Variants in SCOC observed in about 807,000 individuals in gnomAD.
SCOC encodes short coiled coil protein.
In SCOC, 7 loss-of-function variants were observed where a neutral mutation model predicts 9.9. The observed-to-expected ratio is 0.71, with a 90% CI of 0.40 to 1.33. The LOEUF is 1.33. Ranked by LOEUF, SCOC falls within the 40% of genes most tolerant of loss-of-function variation. The pLI, the probability that SCOC is intolerant of heterozygous loss-of-function variation, is 0.01. For synonymous variants in SCOC, 19 were observed against 28.2 expected (o/e 0.67, Z 1.03); for missense variants, 66 against 89.7 (o/e 0.74, Z 1.07).
chr4:140,257,637 CCTGTCT>C (rs2126380967), intron 1 of SCOC, among the ~76,000 whole-genome samples: 1 of 152,278 alleles, frequency 6.6e-6, no homozygotes, highest in East Asian at 1.9e-4. Flanking sequence ...AGTTATTTAA[CCTGTCT>C]CTGCCTCAGT....
At chr4:140,291,017 G>A (rs1447792253) in intron 1 of SCOC, among the ~76,000 whole-genome samples, 1 of 152,162 alleles carries the variant, frequency 6.6e-6, no homozygotes, top group Non-Finnish European at 1.5e-5. Flanking sequence ...CTGCATTATT[G>A]TTTTCTCACT....
At chr4:140,276,140 C>T (rs569357507) in intron 1 of SCOC, among the ~76,000 whole-genome samples, 3 of 152,006 alleles carry the variant, frequency 2.0e-5, no homozygotes, top group Admixed American at 6.6e-5. Context: ...GTAGCTGGGA[C>T]TACAGGTGCC....
rs142535505 is a variant in SCOC, at chr4:140,353,143, G to C, written c.70+9435G>C. On this transcript the variant is annotated intron_variant, in intron 2 of 4. Transcript: ENST00000338517. ...AGCCTGGTTTCCTTAGAGAACTTAAGGGTTCCTTTGGCCTTCAAAGATAGT... is the reference window on the plus strand; with the variant it reads ...AGCCTGGTTTCCTTAGAGAACTTAACGGTTCCTTTGGCCTTCAAAGATAGT... 2.3e-3 allele frequency among the ~76,000 whole-genome samples: 348 copies of C among 152,242 alleles called. 1 individual carries two copies. The highest frequency in any genetic ancestry group is 4.2e-3 in the Non-Finnish European group (286 of 68,022).
chr4:140,273,595 A>T lies in SCOC; in HGVS notation c.-19+16185A>T, dbSNP rs543486549. 3.3e-5 allele frequency among the ~76,000 whole-genome samples: 5 copies of T among 152,144 alleles called. 1 individual carries two copies. The highest frequency in any genetic ancestry group is 1.2e-4 in the African/African-American group (5 of 41,506). ...TCTGTGAAATGAACATGTCTGCCTCAAGCTTCCCACTCTGACGGGGCTCAG... is the reference window on the plus strand; with the variant it reads ...TCTGTGAAATGAACATGTCTGCCTCTAGCTTCCCACTCTGACGGGGCTCAG... On this transcript the variant is annotated intron_variant, in intron 1 of 4. Coordinates refer to the SCOC transcript ENST00000394205.
intron 1 of SCOC, chr4:140,343,517 G>T: frequency 1.4e-6 from 1 of 701,798 alleles, no homozygotes; most frequent in Non-Finnish European, 2.5e-6. Flanking sequence ...CTAGTGCAAG[G>T]ATCAGATAGC....
chr4:140,347,578 T>C (rs1242753612), intron 2 of SCOC, among the ~76,000 whole-genome samples: 2 of 152,150 alleles, frequency 1.3e-5, no homozygotes, highest in African/African-American at 4.8e-5. Context: ...TTGGCTACTG[T>C]TCTCTCTCTG....
At chr4:140,327,340 G>A (rs1225860219) in intron 1 of SCOC, among the ~76,000 whole-genome samples, 1 of 152,044 alleles carries the variant, frequency 6.6e-6, no homozygotes, top group African/African-American at 2.4e-5. Context: ...CCACTCTCAG[G>A]TGGGATTTCA....
At chr4:140,373,319 A>T, upstream of SCOC, 5 of 1,396,220 alleles carry the variant, frequency 3.6e-6, no homozygotes, top group South Asian at 6.3e-5. Flanking sequence ...GATTTTCCAC[A>T]CTGGGATTCT....
intron 2 of SCOC, chr4:140,366,603 C>T (rs940926157): frequency 3.7e-6 from 6 of 1,606,236 alleles, no homozygotes; most frequent in Non-Finnish European, 4.3e-6. Context: ...GTGTGGCTGC[C>T]CATTTTGTAT....
intron 1 of SCOC, among the ~76,000 whole-genome samples, chr4:140,307,245 GCCTAATA>G (rs1732019689): frequency 6.6e-6 from 1 of 152,166 alleles, no homozygotes; most frequent in Admixed American, 6.5e-5. Flanking sequence ...TATTACAGCA[GCCTAATA>G]CAGTAACTCT....
Position 140,284,367 on chromosome 4 carries a change from G to A in SCOC, c.-19+26957G>A, listed in dbSNP as rs188853727. On this transcript the variant is annotated intron_variant, in intron 1 of 4. Transcript: ENST00000394205. ...CTATGAAAGAATGCCAGTGTGATGA[G>A]GCTGGGAAATTCACGGGCATGGTTC... is the stretch of plus-strand genomic sequence containing the variant. 4 of 152,306 alleles carry A rather than the reference G, an allele frequency of 2.6e-5. No homozygotes were observed. The East Asian group carries it at 7.7e-4, about 29-fold the overall frequency. The allele number at this position is 152,306 out of a possible 1,614,324, so 9.4% of individuals were successfully genotyped here. A position where few individuals can be genotyped will look rare whatever the true frequency, so the allele number is the denominator to read the frequency against.
At chr4:140,362,275 T>TTCTTCTTCTCCTTCTCCTTCTCCTTC (rs1553941067) in intron 2 of SCOC, among the ~76,000 whole-genome samples, 1 of 10,698 alleles carries the variant, frequency 9.3e-5, no homozygotes, top group Non-Finnish European at 2.3e-4. Flanking sequence ...AGGTGTGTCC[T>TTCTTCTTCTCCTTCTCCTTCTCCTTC]TACTTCTTCT....
chr4:140,279,067 C>T (rs1360181806), intron 1 of SCOC, among the ~76,000 whole-genome samples: 2 of 152,176 alleles, frequency 1.3e-5, no homozygotes, highest in Non-Finnish European at 2.9e-5. Context: ...TTCCTCTGCA[C>T]TTCACCCAGC....
At chr4:140,373,622 G>A (rs1437410553), upstream of SCOC, 3 of 1,551,664 alleles carry the variant, frequency 1.9e-6, no homozygotes, top group Non-Finnish European at 2.6e-6. Flanking sequence ...ACGTTCTGTG[G>A]GCGGAGTGGG....
At chr4:140,296,128 C>A (rs1011226849) in intron 1 of SCOC, among the ~76,000 whole-genome samples, 4 of 151,994 alleles carry the variant, frequency 2.6e-5, no homozygotes, top group African/African-American at 9.7e-5. Context: ...GCTCCAGGCA[C>A]GTTGTGGCAG....
intron 1 of SCOC, among the ~76,000 whole-genome samples, chr4:140,270,036 C>T (rs1474212202): frequency 6.6e-6 from 1 of 152,172 alleles, no homozygotes; most frequent in Non-Finnish European, 1.5e-5. Context: ...CAGGCATGAA[C>T]CACCATGCCC....
At chr4:140,360,836 TA>T (rs1204699529) in intron 2 of SCOC, 1 of 152,208 alleles carries the variant, frequency 6.6e-6, no homozygotes, top group African/African-American at 2.4e-5. Context: ...AATATTTTAA[TA>T]AAAAATGTTT....
At position 140,373,728 on chromosome 4, in the gene SCOC, T is replaced by G. The variant is rs766368759; in HGVS notation, c.-51+11T>G. The G allele has an allele frequency of 2.8e-5, 43 of 1,544,026 alleles. No individual in the cohort carries two copies. The highest frequency in any genetic ancestry group is 1.0e-5 in the Non-Finnish European group (12 of 1,146,492). On this transcript the variant is annotated intron_variant, in intron 1 of 3. Coordinates refer to ENST00000608372, the MANE Select transcript of SCOC (RefSeq NM_001153484.2). ...CGCCTCAAGCGGAAGGTGAGGGCCG[T>G]CCCGGGCAGCGGAGGGCCTGGCCCC...
intron 1 of SCOC, among the ~76,000 whole-genome samples, chr4:140,307,768 T>C (rs1039130418): frequency 4.6e-5 from 7 of 152,218 alleles, no homozygotes; most frequent in East Asian, 1.9e-4. Flanking sequence ...TCCAAGGAGA[T>C]GCTATTTCAC....
Sources: gnomAD v4.1 joint callset for allele counts (sites outside exome capture counted in the v4.1 genomes callset) on GRCh38, gnomAD v4.1.1 for gene constraint, MANE v1.5 for transcripts, NCBI Gene and HGNC (gene_info 2026-07-23, HGNC 2026-07-21) for gene names.